RHBDF2: variants seen among roughly 807,000 people sequenced by gnomAD.
RHBDF2 encodes inactive rhomboid protein 2.
Under a neutral mutation model 95.2 loss-of-function variants are expected in RHBDF2, and 38 were observed. The ratio of observed to expected loss-of-function variants is 0.40; its 90% CI spans 0.31 to 0.52. The LOEUF (loss-of-function observed/expected upper bound fraction) is 0.52, where lower values mean the gene tolerates loss of function less well. RHBDF2 is among the 20% of genes least tolerant of loss of function. RHBDF2 has a pLI of 0.56. For synonymous variants in RHBDF2, 442 were observed against 462.0 expected (o/e 0.96, Z 0.55); for missense variants, 863 against 1,137.7 (o/e 0.76, Z 3.47).
At chr17:76,477,889 G>A (rs535925159) in intron 6 of RHBDF2, 104 bp from the exon 7 acceptor site, 144 of 1,500,886 alleles carry the variant, frequency 9.6e-5, no homozygotes, top group African/African-American at 6.4e-4. Flanking sequence ...TGCAGGCAGC[G>A]CCTTGGGAGG....
At chr17:76,481,992 CACACACACACAA>C (rs879554623) in intron 2 of RHBDF2, 3,012 of 100,532 alleles carry the variant, frequency 0.03, 64 homozygotes, top group African/African-American at 0.041. Flanking sequence ...CACACACACA[CACACACACACAA>C]AACCAAAAAC....
At chr17:76,485,411 CAAAAAA>C (rs35202087) in intron 2 of RHBDF2, among the ~76,000 whole-genome samples, 1 of 62,778 alleles carries the variant, frequency 1.6e-5, no homozygotes, top group Non-Finnish European at 2.9e-5. Context: ...AACTCTGTCT[CAAAAAA>C]AAAAAAAAAA....
chr17:76,491,321 T>C (rs77433379), intron 1 of RHBDF2, among the ~76,000 whole-genome samples: 3,683 of 152,240 alleles, frequency 0.024, 111 homozygotes, highest in South Asian at 0.13. Context: ...CTGAGACCCC[T>C]GCCCAGGATC....
At chr17:76,490,143 T>G (rs956052076) in intron 1 of RHBDF2, among the ~76,000 whole-genome samples, 1 of 152,194 alleles carries the variant, frequency 6.6e-6, no homozygotes, top group South Asian at 2.1e-4. Context: ...CCCTGCATAT[T>G]TGGGACATTT....
In RHBDF2 at chr17:76,481,412, G is replaced by T. The variant is rs773587695; in HGVS notation, c.113C>A (p.Thr38Asn). 6 of 1,612,808 alleles carry T rather than the reference G, an allele frequency of 3.7e-6. No individual in the cohort carries two copies. In the South Asian group the frequency reaches 6.6e-5, roughly 18 times the overall value. The change falls in exon 3 of 19, where the codon ACC (threonine) becomes AAC (asparagine). Residue 38 changes from threonine to asparagine, a missense_variant. This residue lies in a region of RHBDF2 where 611 missense variants were observed against 725.5 expected (regional missense o/e 0.84). Transcript: ENST00000675367. ...GCTGTCCTGCTCGCCAGGGGCCTGG[G>T]TCTCTTTCTCGGGTGGCGGGATGGT... ...SITIPPPEKE[T>N]QAPGEQDSML...
intron 6 of RHBDF2, 92 bp downstream of exon 6, chr17:76,478,714 G>A: frequency 9.0e-7 from 1 of 1,117,092 alleles, no homozygotes; most frequent in Non-Finnish European, 1.3e-6. Flanking sequence ...GCCCAGGTGA[G>A]CTTTAGGGGA....
In RHBDF2 at chr17:76,482,499, G is replaced by A. The variant is rs184987458; in HGVS notation, c.-21-954C>T. On this transcript the variant is annotated intron_variant, in intron 2 of 18. Coordinates refer to ENST00000675367, the MANE Select transcript of RHBDF2 (RefSeq NM_001005498.4). ...TTCAAAGATAACTAAAACTGGCTGGGTGCGTGGCTCATGCCTGTAATCCCA... is the reference window on the plus strand; with the variant it reads ...TTCAAAGATAACTAAAACTGGCTGGATGCGTGGCTCATGCCTGTAATCCCA... Among the ~76,000 whole-genome samples, 420 of 152,170 alleles carry A rather than the reference G, an allele frequency of 2.8e-3. 1 individual carries two copies. The highest frequency in any genetic ancestry group is 0.017 in the South Asian group (84 of 4,820).
At chr17:76,473,936 C>A in intron 13 of RHBDF2, 34 bp from the exon 14 acceptor site, 1 of 1,612,286 alleles carries the variant, frequency 6.2e-7, no homozygotes, top group Non-Finnish European at 8.5e-7. Flanking sequence ...CTGTGGCACA[C>A]CCAGCGTGCC....
intron 2 of RHBDF2, among the ~76,000 whole-genome samples, chr17:76,484,592 A>C (rs920981028): frequency 6.6e-6 from 1 of 151,190 alleles, no homozygotes; most frequent in African/African-American, 2.4e-5. Context: ...CCTGAGACTG[A>C]TCATTCTCCG....
chr17:76,482,119 G>A (rs1228821752), intron 2 of RHBDF2, among the ~76,000 whole-genome samples: 6 of 152,090 alleles, frequency 3.9e-5, no homozygotes, highest in Admixed American at 2.0e-4. Context: ...CGGACCATAT[G>A]GGTCTGGGAG....
chr17:76,485,738 C>A (rs564992141), intron 2 of RHBDF2, among the ~76,000 whole-genome samples: 7 of 152,222 alleles, frequency 4.6e-5, no homozygotes, highest in Non-Finnish European at 1.0e-4. Context: ...GATGAAGGCA[C>A]AAATATAAAA....
chr17:76,484,498 C>A (rs2074063646), intron 2 of RHBDF2, among the ~76,000 whole-genome samples: 1 of 152,000 alleles, frequency 6.6e-6, no homozygotes, highest in South Asian at 2.1e-4. Context: ...ACCTCACCTC[C>A]ACCATCTCCA....
At chr17:76,478,709 G>A (rs2073849578) in intron 6 of RHBDF2, 97 bp downstream of exon 6, 4 of 1,057,714 alleles carry the variant, frequency 3.8e-6, no homozygotes, top group Non-Finnish European at 4.0e-6. Context: ...CAGATGCCCA[G>A]GTGAGCTTTA....
rs1245917992 is a variant in RHBDF2 at position 76,471,565 on chromosome 17, G to A, written c.*68C>T. ...CTCTCTGGCACACAGAGAGCGCTCT[G>A]CAGAGGGCAGCCCTCGCAGGCAGAC... On this transcript the variant is annotated 3_prime_UTR_variant, in exon 19 of 19. Coordinates refer to ENST00000675367, the MANE Select transcript of RHBDF2 (RefSeq NM_001005498.4). 4 of 1,463,458 alleles carry A rather than the reference G, an allele frequency of 2.7e-6. No individual in the cohort carries two copies. Among genetic ancestry groups the A allele is most frequent in the Non-Finnish European group, 3.7e-6 (4 of 1,095,176 alleles). 90.7% of individuals were successfully genotyped at this position (1,463,458 alleles called of 1,614,324 possible).
At chr17:76,483,580 C>T (rs12600847) in intron 2 of RHBDF2, among the ~76,000 whole-genome samples, 90,903 of 152,058 alleles carry the variant, frequency 0.6, 27,635 homozygotes, top group Middle Eastern at 0.75. Flanking sequence ...CCACCACACC[C>T]GGCCCTAGGC....
intron 1 of RHBDF2, among the ~76,000 whole-genome samples, chr17:76,491,047 G>T (rs4395101): frequency 0.3 from 44,828 of 151,930 alleles, 7,197 homozygotes; most frequent in Middle Eastern, 0.41. Context: ...TGGACAGAAG[G>T]GGTCTCCCTC....
chr17:76,499,581 C>G (rs926407333), intron 1 of RHBDF2, among the ~76,000 whole-genome samples: 3 of 152,186 alleles, frequency 2.0e-5, no homozygotes, highest in Admixed American at 6.5e-5. Flanking sequence ...CCCAGGGTGC[C>G]CTCTTTATTG....
chr17:76,471,514 G>T lies in RHBDF2; in HGVS notation c.*119C>A, dbSNP rs960499478. 8.4e-6 allele frequency: 10 copies of T among 1,195,630 alleles called. No individual in the cohort carries two copies. The African/African-American group carries it at 1.2e-4, about 15-fold the overall frequency. 74.1% of individuals were successfully genotyped at this position (1,195,630 alleles called of 1,614,324 possible). A position where few individuals can be genotyped will look rare whatever the true frequency, so the allele number is the denominator to read the frequency against. On this transcript the variant is annotated 3_prime_UTR_variant, in exon 19 of 19. Coordinates refer to ENST00000675367, the MANE Select transcript of RHBDF2 (RefSeq NM_001005498.4). ...TGGCAGGGGGGCACCCAGGTCCAGAGCCCGGGCCCTGTCTTGGGTCTCTGG... is the reference window on the plus strand; with the variant it reads ...TGGCAGGGGGGCACCCAGGTCCAGATCCCGGGCCCTGTCTTGGGTCTCTGG...
At chr17:76,495,612 G>A (rs2074411149) in intron 1 of RHBDF2, among the ~76,000 whole-genome samples, 1 of 152,182 alleles carries the variant, frequency 6.6e-6, no homozygotes, top group Admixed American at 6.5e-5. Context: ...AGAGAGGTAA[G>A]CACCTTGCCC....
Sources: allele counts gnomAD v4.1 joint callset (sites outside exome capture counted in the v4.1 genomes callset), GRCh38; gene constraint gnomAD v4.1.1; regional missense constraint gnomAD v4.1.1; transcripts MANE v1.5; gene names NCBI Gene and HGNC (gene_info 2026-07-23, HGNC 2026-07-21).